TRPC4: variants seen among roughly 807,000 people sequenced by gnomAD.
TRPC4 encodes short transient receptor potential channel 4.
TRPC4 carries 49 observed loss-of-function variants against 99.4 expected under a neutral mutation model. The observed-to-expected ratio is 0.49, with a 90% CI of 0.39 to 0.63. The LOEUF is 0.63. Among genes scored for constraint, TRPC4 ranks in the 20% least tolerant of loss-of-function variants. The pLI, the probability that TRPC4 is intolerant of heterozygous loss-of-function variation, is 0.00. For missense variants in TRPC4, 898 were observed against 1,152.9 expected, an observed-to-expected ratio of 0.78 and a Z score of 3.20; for synonymous variants, 454 against 425.9, an observed-to-expected ratio of 1.07 and a Z score of -0.81.
intron 1 of TRPC4, among the ~76,000 whole-genome samples, chr13:37,810,373 T>C (rs1187069819): frequency 1.3e-5 from 2 of 152,070 alleles, no homozygotes; most frequent in Non-Finnish European, 2.9e-5. Flanking sequence ...ATTTTTCATA[T>C]TGCTAATAGG....
At chr13:37,723,480 G>A (rs1333355) in intron 3 of TRPC4, among the ~76,000 whole-genome samples, 151,066 of 152,336 alleles carry the variant, frequency 0.99, 74,915 homozygotes, top group Middle Eastern at 1. Context: ...TAAAAAGAAT[G>A]GTACTATGCT....
At chr13:37,739,194 T>G (rs576989947) in intron 3 of TRPC4, among the ~76,000 whole-genome samples, 1 of 152,006 alleles carries the variant, frequency 6.6e-6, no homozygotes, top group African/African-American at 2.4e-5. Flanking sequence ...TAAGGGAAGG[T>G]TTTTCAGAGA....
chr13:37,781,984 C>T (rs923820618), intron 2 of TRPC4, among the ~76,000 whole-genome samples: 3 of 152,044 alleles, frequency 2.0e-5, no homozygotes, highest in African/African-American at 7.2e-5. Flanking sequence ...TGTATATTAT[C>T]AAATAGGCTA....
At chr13:37,832,340 A>T (rs576761789) in intron 1 of TRPC4, among the ~76,000 whole-genome samples, 1 of 152,162 alleles carries the variant, frequency 6.6e-6, no homozygotes, top group South Asian at 2.1e-4. Context: ...TCAGGAGTTT[A>T]AGACCAGCCT....
At chr13:37,812,198 A>AG (rs1957719164) in intron 1 of TRPC4, among the ~76,000 whole-genome samples, 3 of 146,522 alleles carry the variant, frequency 2.0e-5, no homozygotes, top group Non-Finnish European at 3.0e-5. Flanking sequence ...AAAAAAAACC[A>AG]GGAGATCTAA....
At chr13:37,803,194 C>T (rs529061775) in intron 1 of TRPC4, among the ~76,000 whole-genome samples, 5 of 152,070 alleles carry the variant, frequency 3.3e-5, no homozygotes, top group African/African-American at 4.8e-5. Flanking sequence ...TCTGTCACTA[C>T]AAGAGGCTTC....
intron 1 of TRPC4, among the ~76,000 whole-genome samples, chr13:37,836,082 T>G (rs865801228): frequency 8.5e-5 from 13 of 152,182 alleles, no homozygotes; most frequent in Admixed American, 2.0e-4. Flanking sequence ...GGAGTTCTCC[T>G]GCACGAGTTC....
intron 2 of TRPC4, among the ~76,000 whole-genome samples, chr13:37,748,621 T>C (rs2139176969): frequency 6.6e-6 from 1 of 151,650 alleles, no homozygotes; most frequent in African/African-American, 2.4e-5. Flanking sequence ...GAATGGTCAA[T>C]TGATTGGTCA....
At chr13:37,695,551 C>T (rs1287452432) in intron 3 of TRPC4, among the ~76,000 whole-genome samples, 4 of 152,352 alleles carry the variant, frequency 2.6e-5, no homozygotes, top group African/African-American at 9.6e-5. Context: ...GCCGTTCTTT[C>T]TCTAGAGTTG....
chr13:37,745,799 C>T (rs751602849), intron 3 of TRPC4, 138 bp downstream of exon 3: 55 of 940,736 alleles, frequency 5.8e-5, no homozygotes, highest in Non-Finnish European at 7.7e-5. Context: ...ATTATTAATC[C>T]GGTAGACAAT....
At chr13:37,757,187 A>G (rs1956119391) in intron 2 of TRPC4, among the ~76,000 whole-genome samples, 1 of 152,120 alleles carries the variant, frequency 6.6e-6, no homozygotes, top group African/African-American at 2.4e-5. Flanking sequence ...TAATAAACAT[A>G]TATCAGATAT....
intron 1 of TRPC4, among the ~76,000 whole-genome samples, chr13:37,803,829 G>C (rs190940167): frequency 1.2e-3 from 183 of 152,058 alleles, no homozygotes; most frequent in African/African-American, 4.1e-3. Context: ...CAGAGCCAAG[G>C]CTCCAAGGCT....
At chr13:37,689,908 G>T (rs988262240) in intron 4 of TRPC4, among the ~76,000 whole-genome samples, 1 of 152,062 alleles carries the variant, frequency 6.6e-6, no homozygotes, top group Non-Finnish European at 1.5e-5. Context: ...CCTTACTTTT[G>T]TATCACTATC....
intron 1 of TRPC4, among the ~76,000 whole-genome samples, chr13:37,786,606 A>G (rs529624949): frequency 1.1e-3 from 166 of 152,258 alleles, no homozygotes; most frequent in African/African-American, 3.9e-3. Flanking sequence ...TAGAAAGGCT[A>G]TTAAAGAACA....
rs114882599 is a variant in TRPC4 at position 37,650,572 on chromosome 13, C to T, written c.2079+693G>A. ...TCCCCGCCCCCTCACCTTTCTCTCTCTCTCTTCTGTCTCTCTCTGTCTCTC... is the reference window on the plus strand; with the variant it reads ...TCCCCGCCCCCTCACCTTTCTCTCTTTCTCTTCTGTCTCTCTCTGTCTCTC... On this transcript the variant is annotated intron_variant, in intron 8 of 10. Transcript: ENST00000379705. 3.8e-3 allele frequency among the ~76,000 whole-genome samples: 569 copies of T among 150,024 alleles called. 3 individuals are homozygous for T. The highest frequency in any genetic ancestry group is 0.013 in the African/African-American group (540 of 40,394).
In TRPC4 at chr13:37,791,398, TAAAA is replaced by T. The variant is rs11312586; in HGVS notation, c.-27-8042_-27-8039del. Among the ~76,000 whole-genome samples the T allele has an allele frequency of 6.7e-3, 773 of 114,718 alleles. 4 individuals are homozygous for T. Among genetic ancestry groups the T allele is most frequent in the African/African-American group, 0.027 (735 of 27,402 alleles). 75.3% of individuals were successfully genotyped at this position (114,718 alleles called of 152,430 possible). A position where few individuals can be genotyped will look rare whatever the true frequency, so the allele number is the denominator to read the frequency against. ...GCAACACAGCAAGACTCTGTCTCAA[TAAAA>T]AAAAAAAAAAAAAAAAGGATAAACG... On this transcript the variant is annotated intron_variant, in intron 1 of 10. Coordinates refer to ENST00000379705, the MANE Select transcript of TRPC4 (RefSeq NM_016179.4).
At chr13:37,660,940 G>T (rs1952416697) in intron 6 of TRPC4, among the ~76,000 whole-genome samples, 1 of 152,204 alleles carries the variant, frequency 6.6e-6, no homozygotes, top group African/African-American at 2.4e-5. Context: ...TCAAGAGACA[G>T]GTGACTTAAG....
intron 4 of TRPC4, among the ~76,000 whole-genome samples, chr13:37,679,033 G>T (rs1953150559): frequency 6.6e-6 from 1 of 152,034 alleles, no homozygotes; most frequent in African/African-American, 2.4e-5. Flanking sequence ...ATGCATTCAT[G>T]ATAAAAACTT....
At chr13:37,788,254 C>T (rs146957802) in intron 1 of TRPC4, among the ~76,000 whole-genome samples, 3,543 of 152,202 alleles carry the variant, frequency 0.023, 94 homozygotes, top group Non-Finnish European at 0.039. Flanking sequence ...AGCCTTTCTG[C>T]AAACCTTCTT....
Sources: gnomAD v4.1 joint callset for allele counts (sites outside exome capture counted in the v4.1 genomes callset) on GRCh38, gnomAD v4.1.1 for gene constraint, MANE v1.5 for transcripts, NCBI Gene and HGNC (gene_info 2026-07-23, HGNC 2026-07-21) for gene names.